Variants in AGO2 observed in about 807,000 individuals in gnomAD.
The protein encoded by AGO2 is argonaute RISC catalytic component 2.
A neutral mutation model predicts 102.3 loss-of-function variants in AGO2; 5 were observed. The ratio of observed to expected loss-of-function variants is 0.05; its 90% confidence interval spans 0.03 to 0.10. AGO2 has a LOEUF of 0.10. Among genes scored for constraint, AGO2 ranks in the 10% least tolerant of loss-of-function variants. AGO2 has a pLI of 1.00. For synonymous variants in AGO2, 449 were observed against 473.1 expected (o/e 0.95, Z 0.66); for missense variants, 541 against 1,183.7 (o/e 0.46, Z 7.97).
chr8:140,585,988 T>C (rs2133013865), intron 1 of AGO2, among the ~76,000 whole-genome samples: 1 of 152,358 alleles, frequency 6.6e-6, no homozygotes, highest in African/African-American at 2.4e-5. Flanking sequence ...TTTTTGTTTG[T>C]TTGTTTCCTA....
chr8:140,587,207 G>T (rs1042696647), intron 1 of AGO2, among the ~76,000 whole-genome samples: 2 of 152,172 alleles, frequency 1.3e-5, no homozygotes. Context: ...AAACCTGCAC[G>T]CAGCCTGGTA....
At chr8:140,636,012 G>C (rs1049564213), upstream of AGO2, among the ~76,000 whole-genome samples, 14 of 150,968 alleles carry the variant, frequency 9.3e-5, no homozygotes, top group African/African-American at 3.4e-4. Context: ...GGGCCCCCCG[G>C]CTGTGCCGCC....
At chr8:140,600,502 G>T (rs1043986710) in intron 1 of AGO2, among the ~76,000 whole-genome samples, 1 of 152,062 alleles carries the variant, frequency 6.6e-6, no homozygotes, top group African/African-American at 2.4e-5. Flanking sequence ...CCAACATGGA[G>T]AAACACCATC....
At chr8:140,585,905 C>A (rs2073647798) in intron 1 of AGO2, among the ~76,000 whole-genome samples, 1 of 152,202 alleles carries the variant, frequency 6.6e-6, no homozygotes, top group Non-Finnish European at 1.5e-5. Context: ...AAGAACTCTA[C>A]TAAAAATAAT....
At chr8:140,559,603 G>T in intron 5 of AGO2, 74 bp from the exon 6 acceptor site, 2 of 1,573,932 alleles carry the variant, frequency 1.3e-6, no homozygotes, top group Non-Finnish European at 8.6e-7. Context: ...TCCTGGAGGG[G>T]CCTCATAGGC....
chr8:140,575,242 C>A (rs1324726375), intron 2 of AGO2, among the ~76,000 whole-genome samples: 2 of 123,366 alleles, frequency 1.6e-5, no homozygotes, highest in African/African-American at 3.0e-5. Context: ...TCTCCCCTGG[C>A]ACCTCCCTGG....
Position 140,528,370 on chromosome 8 carries a change from A to G in AGO2, c.*3674T>C. 6.6e-6 allele frequency: 1 copy of G among 152,452 alleles called. No individual in the cohort carries two copies. The highest frequency in any genetic ancestry group is 1.5e-5 in the Non-Finnish European group (1 of 68,100). The allele number at this position is 152,452 out of a possible 1,614,324, so 9.4% of individuals were successfully genotyped here. Reference sequence around the variant, plus strand: ...TTAACAGCAATAAAAGTAACAAATAACAACAACAATAAAACCCCCCACCTA... The same window carrying G: ...TTAACAGCAATAAAAGTAACAAATAGCAACAACAATAAAACCCCCCACCTA... On this transcript the variant is annotated 3_prime_UTR_variant, in exon 19 of 19. Transcript: ENST00000220592. The surrounding 1 kb of genome is among the most constrained non-coding windows in gnomAD (Gnocchi z 4.5).
intron 10 of AGO2, among the ~76,000 whole-genome samples, chr8:140,555,029 A>G (rs1194047196): frequency 6.6e-6 from 1 of 152,154 alleles, no homozygotes; most frequent in Non-Finnish European, 1.5e-5. Flanking sequence ...AACAAACAAA[A>G]AACAAACCAA....
At chr8:140,602,293 T>C (rs1049971902) in intron 1 of AGO2, among the ~76,000 whole-genome samples, 6 of 152,180 alleles carry the variant, frequency 3.9e-5, no homozygotes, top group African/African-American at 7.2e-5. Context: ...CCAGCCTACA[T>C]AGCTATAAGG....
intron 1 of AGO2, among the ~76,000 whole-genome samples, chr8:140,632,725 C>G (rs1053117494): frequency 5.9e-5 from 9 of 151,786 alleles, no homozygotes; most frequent in African/African-American, 2.2e-4. Context: ...TAACTCAGTT[C>G]AAAAAACGAA....
intron 1 of AGO2, chr8:140,591,792 A>G (rs2073750501): frequency 6.6e-6 from 1 of 152,212 alleles, no homozygotes; most frequent in African/African-American, 2.4e-5. Flanking sequence ...ATCCTCTTTG[A>G]TCCACCATCT....
rs1321885096 is a variant in AGO2 at position 140,522,310 on chromosome 8, T to C, written c.*9734A>G. ...GACTTAGTAATAGCACCCAACTGTT[T>C]AACTGAGGTAGATCCACATTGTAAA... is the stretch of plus-strand genomic sequence containing the variant. On this transcript the variant is annotated 3_prime_UTR_variant, in exon 19 of 19. Transcript: ENST00000220592. The C allele has an allele frequency of 6.6e-6, 1 of 152,228 alleles. No individual in the cohort carries two copies. The allele number at this position is 152,228 out of a possible 1,614,324, so 9.4% of individuals were successfully genotyped here.
At chr8:140,626,365 A>C (rs1473126943) in intron 1 of AGO2, 1 of 152,176 alleles carries the variant, frequency 6.6e-6, no homozygotes, top group African/African-American at 2.4e-5. Flanking sequence ...TGCAAAGTAA[A>C]GACCCAGAGG....
chr8:140,596,445 C>T (rs1290518937), intron 1 of AGO2, among the ~76,000 whole-genome samples: 17 of 152,070 alleles, frequency 1.1e-4, no homozygotes, highest in African/African-American at 3.6e-4. Flanking sequence ...TAGCCGGGCA[C>T]GGTGGCGCAT....
intron 11 of AGO2, among the ~76,000 whole-genome samples, chr8:140,549,892 G>A (rs1355528245): frequency 6.6e-6 from 1 of 152,222 alleles, no homozygotes; most frequent in Non-Finnish European, 1.5e-5. Context: ...CAGGGCAGCG[G>A]CTTCTATTTT....
intron 13 of AGO2, 25 bp downstream of exon 13, chr8:140,547,443 C>CGG: frequency 6.2e-7 from 1 of 1,609,628 alleles, no homozygotes; most frequent in Non-Finnish European, 8.5e-7. Flanking sequence ...GGTCCGCAGG[C>CGG]GGAGGTAAAG....
At chr8:140,532,331 C>A in intron 18 of AGO2, 85 bp downstream of exon 18, 3 of 1,499,852 alleles carry the variant, frequency 2.0e-6, no homozygotes, top group East Asian at 2.4e-5. Flanking sequence ...TGGGGCCCTG[C>A]CCCTTCCCCT....
At chr8:140,550,442 G>A (rs1415165466) in intron 11 of AGO2, among the ~76,000 whole-genome samples, 5 of 152,202 alleles carry the variant, frequency 3.3e-5, no homozygotes, top group South Asian at 2.1e-4. Flanking sequence ...TGGCCGAGGC[G>A]AGCATCCTGG....
At chr8:140,552,776 T>C (rs939319025) in intron 10 of AGO2, among the ~76,000 whole-genome samples, 1 of 149,990 alleles carries the variant, frequency 6.7e-6, no homozygotes, top group African/African-American at 2.5e-5. Flanking sequence ...ACACACACTC[T>C]TACTATACAG....
Sources: allele counts gnomAD v4.1 joint callset (sites outside exome capture counted in the v4.1 genomes callset), GRCh38; gene constraint gnomAD v4.1.1; non-coding constraint Gnocchi (gnomAD v3.1); transcripts MANE v1.5; gene names NCBI Gene and HGNC (gene_info 2026-07-23, HGNC 2026-07-21).